L3MBTL4: variants seen among roughly 807,000 people sequenced by gnomAD.
L3MBTL4 encodes the protein L3MBTL histone methyl-lysine binding protein 4.
Under a neutral mutation model 84.5 loss-of-function variants are expected in L3MBTL4, and 70 were observed. That is an observed-to-expected ratio of 0.83 (90% CI 0.68 to 1.01). The LOEUF (loss-of-function observed/expected upper bound fraction) is 1.01. L3MBTL4 is among the 50% of genes least tolerant of loss of function. L3MBTL4 has a pLI of 0.00. For missense variants in L3MBTL4, 715 were observed against 754.8 expected (o/e 0.95, Z 0.62); for synonymous variants, 274 against 259.8 (o/e 1.05, Z -0.52).
At chr18:6,095,346 G>GTTTTTTTTTTTT (rs71370544) in intron 14 of L3MBTL4, among the ~76,000 whole-genome samples, 9 of 122,924 alleles carry the variant, frequency 7.3e-5, no homozygotes, top group African/African-American at 1.7e-4. Flanking sequence ...GGGGAACATG[G>GTTTTTTTTTTTT]TTTTTTTTTT....
At chr18:6,255,779 C>CAAA (rs80253863) in intron 5 of L3MBTL4, among the ~76,000 whole-genome samples, 4 of 66,162 alleles carry the variant, frequency 6.0e-5, no homozygotes, top group African/African-American at 1.9e-4. Flanking sequence ...ATATAAAAGG[C>CAAA]AAAAAAAAAA....
chr18:6,191,785 C>G (rs1395061644), intron 12 of L3MBTL4, among the ~76,000 whole-genome samples: 4 of 151,958 alleles, frequency 2.6e-5, no homozygotes, highest in Admixed American at 2.6e-4. Flanking sequence ...TCCAGGAGTT[C>G]AAGACCAGCC....
intron 4 of L3MBTL4, among the ~76,000 whole-genome samples, chr18:6,293,466 T>C (rs941991744): frequency 8.1e-5 from 12 of 148,490 alleles, no homozygotes; most frequent in African/African-American, 3.0e-4. Context: ...ACCAAAATAA[T>C]GAAAAAAAAG....
At chr18:6,090,586 A>T (rs370873343) in intron 15 of L3MBTL4, among the ~76,000 whole-genome samples, 8 of 121,646 alleles carry the variant, frequency 6.6e-5, no homozygotes, top group Non-Finnish European at 3.2e-5. Context: ...TATATATATT[A>T]TATATATACA....
chr18:6,314,515 G>A (rs1368713843), intron 1 of L3MBTL4, among the ~76,000 whole-genome samples: 1 of 152,122 alleles, frequency 6.6e-6, no homozygotes, highest in Non-Finnish European at 1.5e-5. Flanking sequence ...TTTAATTAGA[G>A]AAGCTTCTAA....
At chr18:6,023,062 C>T (rs531383157) in intron 16 of L3MBTL4, among the ~76,000 whole-genome samples, 28 of 151,954 alleles carry the variant, frequency 1.8e-4, no homozygotes, top group African/African-American at 6.3e-4. Flanking sequence ...AGATGCAAAG[C>T]CCTGAGGAAG....
intron 12 of L3MBTL4, among the ~76,000 whole-genome samples, chr18:6,210,604 A>T (rs2046063525): frequency 6.6e-6 from 1 of 152,222 alleles, no homozygotes; most frequent in Non-Finnish European, 1.5e-5. Flanking sequence ...GCAGGAAGAT[A>T]TGTTAACTCA....
At chr18:6,117,429 G>T (rs1331213131) in intron 14 of L3MBTL4, among the ~76,000 whole-genome samples, 1 of 152,172 alleles carries the variant, frequency 6.6e-6, no homozygotes, top group Non-Finnish European at 1.5e-5. Flanking sequence ...GAGAGCTGAG[G>T]TCTGAGCAGA....
intron 13 of L3MBTL4, among the ~76,000 whole-genome samples, chr18:6,146,931 G>A (rs1348236773): frequency 6.6e-6 from 1 of 151,942 alleles, no homozygotes; most frequent in Non-Finnish European, 1.5e-5. Context: ...ATGATGGGGC[G>A]CTAGTGGGCT....
chr18:6,046,064 C>T (rs2056608113), intron 16 of L3MBTL4, among the ~76,000 whole-genome samples: 1 of 151,726 alleles, frequency 6.6e-6, no homozygotes, highest in South Asian at 2.1e-4. Context: ...AAGCAGGAAA[C>T]AAAAATAATA....
chr18:6,186,156 G>T (rs1379232403), intron 12 of L3MBTL4, among the ~76,000 whole-genome samples: 1 of 151,962 alleles, frequency 6.6e-6, no homozygotes, highest in African/African-American at 2.4e-5. Context: ...GGGACTACAG[G>T]TGCCCACCAC....
At chr18:6,204,713 C>G (rs988351774) in intron 12 of L3MBTL4, among the ~76,000 whole-genome samples, 1 of 152,206 alleles carries the variant, frequency 6.6e-6, no homozygotes, top group Admixed American at 6.5e-5. Flanking sequence ...CCCTCAGCAT[C>G]TTTGAGCACA....
chr18:6,190,656 T>C (rs1382700568), intron 12 of L3MBTL4, among the ~76,000 whole-genome samples: 3 of 152,184 alleles, frequency 2.0e-5, no homozygotes, highest in Non-Finnish European at 4.4e-5. Context: ...AAAAATTCCT[T>C]GCCTTTTGAA....
Position 6,055,687 on chromosome 18 carries a change from G to A in L3MBTL4, c.1444+25194C>T, listed in dbSNP as rs189568858. Among the ~76,000 whole-genome samples the A allele has an allele frequency of 2.0e-5, 3 of 152,190 alleles. No homozygotes were observed. In the South Asian group the frequency reaches 6.2e-4, roughly 32 times the overall value. ...ATCTTTTGATACAAAATATAATAAG[G>A]AAACAATTAAAAACCTCTGCAATTT... On this transcript the variant is annotated intron_variant, in intron 16 of 18. Transcript: ENST00000317931.
chr18:6,190,919 C>T (rs964594714), intron 12 of L3MBTL4, among the ~76,000 whole-genome samples: 1 of 152,010 alleles, frequency 6.6e-6, no homozygotes, highest in African/African-American at 2.4e-5. Context: ...AGGTAGCAGT[C>T]CAACATGTGT....
chr18:6,167,810 A>G (rs1010563176), intron 13 of L3MBTL4, among the ~76,000 whole-genome samples: 8 of 152,174 alleles, frequency 5.3e-5, no homozygotes, highest in South Asian at 2.1e-4. Context: ...TCAACATAGT[A>G]TTGGAAGTTC....
intron 3 of L3MBTL4, among the ~76,000 whole-genome samples, chr18:6,307,376 G>A (rs919957027): frequency 2.0e-5 from 3 of 150,276 alleles, no homozygotes; most frequent in Admixed American, 2.0e-4. Flanking sequence ...GACGGAGATT[G>A]CAGTGAGCCG....
chr18:6,029,492 A>C (rs1360128054), intron 16 of L3MBTL4: 4 of 979,856 alleles, frequency 4.1e-6, no homozygotes, highest in Non-Finnish European at 4.8e-6. Flanking sequence ...ATACACAGAA[A>C]TATACAATCT....
At chr18:6,254,576 T>A (rs773684487) in intron 5 of L3MBTL4, among the ~76,000 whole-genome samples, 6 of 152,192 alleles carry the variant, frequency 3.9e-5, no homozygotes, top group Non-Finnish European at 7.3e-5. Context: ...TACTTCCTTG[T>A]TATTTTGAAC....
Sources: gnomAD v4.1 joint callset for allele counts (sites outside exome capture counted in the v4.1 genomes callset) on GRCh38, gnomAD v4.1.1 for gene constraint, MANE v1.5 for transcripts, NCBI Gene and HGNC (gene_info 2026-07-23, HGNC 2026-07-21) for gene names.